PCDHA7: variants seen among roughly 807,000 people sequenced by gnomAD.
The protein encoded by PCDHA7 is protocadherin alpha-7.
PCDHA7 carries 37 observed loss-of-function variants against 57.2 expected under a neutral mutation model. The observed-to-expected ratio is 0.65, with a 90% CI of 0.50 to 0.85. The LOEUF (loss-of-function observed/expected upper bound fraction) is 0.85, where lower values mean the gene tolerates loss of function less well. Ranked by LOEUF, PCDHA7 falls within the 40% of genes least tolerant of loss-of-function variation. The pLI is 0.00. For missense variants in PCDHA7, 1,188 were observed against 1,241.8 expected (o/e 0.96, Z 0.65); for synonymous variants, 553 against 558.8 (o/e 0.99, Z 0.15).
chr5:140,836,032 C>G lies in PCDHA7; in HGVS notation c.1649C>G (p.Thr550Arg), dbSNP rs2150251120. Residue 550 changes from threonine to arginine, a missense_variant, in exon 1 of 4, where the codon ACG (threonine) becomes AGG (arginine). Transcript: ENST00000525929. ...AGVPPLGSNV[T>R]LQVFVLDEND... ...GTGCCGCCTCTGGGCAGCAACGTGA[C>G]GCTGCAGGTGTTCGTGCTGGACGAG... 6.2e-7 allele frequency: 1 copy of G among 1,613,416 alleles called. No homozygotes were observed. Among genetic ancestry groups the G allele is most frequent in the African/African-American group, 1.3e-5 (1 of 75,000 alleles).
chr5:140,920,277 T>C (rs1275415444), intron 1 of PCDHA7, among the ~76,000 whole-genome samples: 1 of 152,230 alleles, frequency 6.6e-6, no homozygotes, highest in African/African-American at 2.4e-5. Context: ...TTATGTAATC[T>C]TATATTTTTT....
chr5:140,874,970 G>T (rs186825854), intron 1 of PCDHA7, among the ~76,000 whole-genome samples: 6 of 152,162 alleles, frequency 3.9e-5, no homozygotes, highest in Non-Finnish European at 7.4e-5. Flanking sequence ...AAGGGGAGGG[G>T]TGCTGTATAT....
At chr5:141,001,833 G>GAGACAGAGAGAGAGGTTGATT (rs1554258319) in intron 3 of PCDHA7, among the ~76,000 whole-genome samples, 1 of 151,780 alleles carries the variant, frequency 6.6e-6, no homozygotes, top group East Asian at 1.9e-4. Context: ...GACAGAGAGG[G>GAGACAGAGAGAGAGGTTGATT]AGACAGAGAG....
At chr5:140,963,530 A>T (rs1031416091) in intron 1 of PCDHA7, among the ~76,000 whole-genome samples, 29 of 152,216 alleles carry the variant, frequency 1.9e-4, no homozygotes, top group African/African-American at 6.8e-4. Context: ...CAGAAGTCCC[A>T]TTTACTTCAT....
At chr5:140,957,781 TTCA>T (rs2095383587) in intron 1 of PCDHA7, among the ~76,000 whole-genome samples, 1 of 152,072 alleles carries the variant, frequency 6.6e-6, no homozygotes, top group African/African-American at 2.4e-5. Context: ...AAAAACTAAG[TTCA>T]TCATATATGT....
Position 141,000,418 on chromosome 5 carries a change from TA to T in PCDHA7, c.2504-9208del, listed in dbSNP as rs1328416600. 5.1e-3 allele frequency among the ~76,000 whole-genome samples: 429 copies of T among 83,548 alleles called. 3 individuals carry two copies. The highest frequency in any genetic ancestry group is 6.3e-3 in the Non-Finnish European group (284 of 45,190). 54.8% of individuals were successfully genotyped at this position (83,548 alleles called of 152,430 possible). A position where few individuals can be genotyped will look rare whatever the true frequency, so the allele number is the denominator to read the frequency against. ...CTCTATATATATATATATATATATA[TA>T]TATTTTTTTTTTTTTTTTTTTTTTT... On this transcript the variant is annotated intron_variant, in intron 3 of 3. Transcript: ENST00000525929.
chr5:140,864,709 T>C (rs2048574243), intron 1 of PCDHA7: 1 of 152,268 alleles, frequency 6.6e-6, no homozygotes, highest in South Asian at 2.1e-4. Flanking sequence ...TGTTGAGCTC[T>C]TCTACTATTT....
intron 1 of PCDHA7, among the ~76,000 whole-genome samples, chr5:140,952,848 T>A (rs10476804): frequency 0.013 from 2,044 of 152,238 alleles, 38 homozygotes; most frequent in African/African-American, 0.047. Context: ...CTGCTTGTCT[T>A]CTGGGGAGGC....
Position 140,848,739 on chromosome 5 carries a change from G to A in PCDHA7, c.2355+12001G>A. On this transcript the variant is annotated intron_variant, in intron 1 of 3. Coordinates refer to ENST00000525929, the MANE Select transcript of PCDHA7 (RefSeq NM_018910.3). The stretch of plus-strand genomic sequence containing the variant: ...CCTTCTGGAGGTAAATCTGCAGAAT[G>A]GCATTTTGTTTGTGAATTCTCGGAT... The A allele has an allele frequency of 6.9e-6, 11 of 1,593,092 alleles. 1 individual carries two copies. The highest frequency in any genetic ancestry group is 9.5e-6 in the Non-Finnish European group (11 of 1,163,752).
rs2150263250 is a variant in PCDHA7 at position 140,836,539 on chromosome 5, C to A, written c.2156C>A (p.Thr719Lys). The change falls in exon 1 of 4, where the codon ACG (threonine) becomes AAG (lysine). Residue 719 changes from threonine to lysine, a missense_variant. Thr to Lys is a moderately conservative substitution (Grantham distance 78, BLOSUM62 -1). Transcript: ENST00000525929. ...TTGGTGCTTACCCTGCTGCTGTACA[C>A]GGCGTTGCGGTGCTCAGCGCCGTCC... Reference protein sequence around the residue: ...SLLVLTLLLYTALRCSAPSSE... With the variant: ...SLLVLTLLLYKALRCSAPSSE... 8.1e-6 allele frequency: 13 copies of A among 1,613,680 alleles called. No individual in the cohort carries two copies. In the South Asian group the frequency reaches 1.1e-4, roughly 14 times the overall value.
rs1451807345 is a variant in PCDHA7, at chr5:140,860,140, T to A, written c.2355+23402T>A. 3 of 150,428 alleles carry A rather than the reference T, an allele frequency of 2.0e-5. No homozygotes were observed. The South Asian group carries it at 6.2e-4, about 31-fold the overall frequency. 9.3% of individuals were successfully genotyped at this position (150,428 alleles called of 1,614,324 possible). On this transcript the variant is annotated intron_variant, in intron 1 of 3. Transcript: ENST00000525929. ...CTTGTACTGTGTGTGTGTGTATATA[T>A]ATGTATATATGTGTATATATATATG...
chr5:140,953,536 A>G (rs2094900021), intron 1 of PCDHA7, among the ~76,000 whole-genome samples: 1 of 152,124 alleles, frequency 6.6e-6, no homozygotes, highest in Non-Finnish European at 1.5e-5. Flanking sequence ...AACTCACTTC[A>G]TGCTGATTCT....
At chr5:141,008,557 T>G (rs1394611167) in intron 3 of PCDHA7, among the ~76,000 whole-genome samples, 3 of 152,218 alleles carry the variant, frequency 2.0e-5, no homozygotes, top group African/African-American at 7.2e-5. Flanking sequence ...CTCCTGTGGA[T>G]GCATAATCAT....
intron 1 of PCDHA7, chr5:140,866,148 ATAAG>A (rs1375745548): frequency 1.4e-4 from 21 of 152,178 alleles, no homozygotes; most frequent in Admixed American, 1.3e-4. Context: ...TGGAAGTGAT[ATAAG>A]TAAGAATCGT....
At position 140,969,194 on chromosome 5, in the gene PCDHA7, A is replaced by G. The variant is rs782262250; in HGVS notation, c.2356-9755A>G. On this transcript the variant is annotated intron_variant, in intron 1 of 3. Coordinates refer to ENST00000525929, the MANE Select transcript of PCDHA7 (RefSeq NM_018910.3). ...AGGGAGTGACACTTTCATGTTTTAC[A>G]ATACAGGGGCCCAGACAGGACCAGG... 1.8e-5 allele frequency: 29 copies of G among 1,614,026 alleles called. No homozygotes were observed. The highest frequency in any genetic ancestry group is 2.3e-5 in the Non-Finnish European group (27 of 1,180,018).
At chr5:140,962,770 G>A (rs1387109570) in intron 1 of PCDHA7, among the ~76,000 whole-genome samples, 1 of 152,164 alleles carries the variant, frequency 6.6e-6, no homozygotes, top group Admixed American at 6.5e-5. Flanking sequence ...TTTTTAACAA[G>A]ATGGAATTTT....
chr5:140,900,095 C>G (rs1299633318), intron 1 of PCDHA7, among the ~76,000 whole-genome samples: 1 of 152,160 alleles, frequency 6.6e-6, no homozygotes, highest in Non-Finnish European at 1.5e-5. Flanking sequence ...CAAGCATGCG[C>G]CACCATACCT....
At chr5:140,893,088 T>C (rs1340937679) in intron 1 of PCDHA7, among the ~76,000 whole-genome samples, 2 of 152,372 alleles carry the variant, frequency 1.3e-5, no homozygotes, top group African/African-American at 4.8e-5. Flanking sequence ...CATTCTTTTT[T>C]ATGGCTGGAT....
chr5:140,995,685 T>C (rs951521178), intron 3 of PCDHA7, among the ~76,000 whole-genome samples: 8 of 152,186 alleles, frequency 5.3e-5, no homozygotes, highest in African/African-American at 1.9e-4. Flanking sequence ...TTTTTTTTAA[T>C]TGTTAAATAA....
Sources: gnomAD v4.1 joint callset for allele counts (sites outside exome capture counted in the v4.1 genomes callset) on GRCh38, gnomAD v4.1.1 for gene constraint, MANE v1.5 for transcripts, NCBI Gene and HGNC (gene_info 2026-07-23, HGNC 2026-07-21) for gene names.